ZC3H12A: variants seen among roughly 807,000 people sequenced by gnomAD.
ZC3H12A encodes the protein zinc finger CCCH-type containing 12A.
In ZC3H12A, 9 loss-of-function variants were observed where a neutral mutation model predicts 29.9. The observed-to-expected ratio is 0.30, with a 90% confidence interval of 0.18 to 0.53. The LOEUF (loss-of-function observed/expected upper bound fraction) is 0.53, where lower values mean the gene tolerates loss of function less well. Ranked by LOEUF, ZC3H12A falls within the 20% of genes least tolerant of loss-of-function variation. The pLI, the probability that ZC3H12A is intolerant of heterozygous loss-of-function variation, is 0.96. For missense variants in ZC3H12A, 617 were observed against 799.0 expected (o/e 0.77, Z 2.75); for synonymous variants, 323 against 338.1 (o/e 0.96, Z 0.49).
At chr1:37,482,394 A>T in intron 4 of ZC3H12A, 40 bp from the exon 5 acceptor site, 1 of 1,549,948 alleles carries the variant, frequency 6.5e-7, no homozygotes, top group Non-Finnish European at 8.8e-7. Context: ...AAGTCCCTGC[A>T]TGGCTCCCAC....
chr1:37,481,866 T>G lies in ZC3H12A; in HGVS notation c.818+31T>G, dbSNP rs201071157. The G allele has an allele frequency of 7.5e-6, 12 of 1,595,388 alleles. No homozygotes were observed. In the East Asian group the frequency reaches 2.7e-4, roughly 36 times the overall value. Reference sequence around the variant, plus strand: ...TTCCCTCCCAGAGGCCCTGACAGACTTGGGGTCCACAGGGGAAGCCAGAGG... The same window carrying G: ...TTCCCTCCCAGAGGCCCTGACAGACGTGGGGTCCACAGGGGAAGCCAGAGG... On this transcript the variant is annotated intron_variant, in intron 4 of 5. Coordinates refer to ENST00000373087, the MANE Select transcript of ZC3H12A (RefSeq NM_025079.3).
Position 37,475,096 on chromosome 1 carries a change from C to G in ZC3H12A, c.-38-363C>G, listed in dbSNP as rs1395361784. ...AAGCCTTGGGCCCCGCAACGCACTT[C>G]CAGCCCCAGGATTCCATCTGAGAGC... On this transcript the variant is annotated intron_variant, in intron 1 of 5. Coordinates refer to ENST00000373087, the MANE Select transcript of ZC3H12A (RefSeq NM_025079.3). This position sits in a 1 kb window ranked among gnomAD's most constrained non-coding sequence, Gnocchi z 5.2. Among the ~76,000 whole-genome samples the G allele has an allele frequency of 1.3e-5, 2 of 152,234 alleles. No homozygotes were observed. The highest frequency in any genetic ancestry group is 4.8e-5 in the African/African-American group (2 of 41,466).
rs900071789 is a variant in ZC3H12A, at chr1:37,475,018, G to T, written c.-39+389G>T. ...CCGGCCATGGGCCTTGCGCTGCCTG[G>T]GCCTGAGCTCTGAGTGCCGGACGGG... On this transcript the variant is annotated intron_variant, in intron 1 of 5. Coordinates refer to ENST00000373087, the MANE Select transcript of ZC3H12A (RefSeq NM_025079.3). The surrounding 1 kb of genome is among the most constrained non-coding windows in gnomAD (Gnocchi z 5.2). Among the ~76,000 whole-genome samples the T allele has an allele frequency of 3.3e-5, 5 of 152,226 alleles. No individual in the cohort carries two copies. Among genetic ancestry groups the T allele is most frequent in the African/African-American group, 7.2e-5 (3 of 41,462 alleles).
At chr1:37,481,577 C>T in intron 3 of ZC3H12A, 24 bp from the exon 4 acceptor site, 1 of 1,611,674 alleles carries the variant, frequency 6.2e-7, no homozygotes, top group South Asian at 1.1e-5. Flanking sequence ...GGGCCCTGAC[C>T]TGTGTGCACC....
At chr1:37,482,677 T>C (rs766485899) in intron 5 of ZC3H12A, 60 bp from the exon 6 acceptor site, 1 of 1,611,898 alleles carries the variant, frequency 6.2e-7, no homozygotes, top group Non-Finnish European at 8.5e-7. Context: ...ACCCCTTCCC[T>C]GCTCTCATCC....
At position 37,478,146 on chromosome 1, in the gene ZC3H12A, C is replaced by T. The variant is rs1641627578; in HGVS notation, c.444-2144C>T. Among the ~76,000 whole-genome samples the T allele has an allele frequency of 6.6e-6, 1 of 152,008 alleles. No individual in the cohort carries two copies. The highest frequency in any genetic ancestry group is 2.1e-4 in the South Asian group (1 of 4,820). On this transcript the variant is annotated intron_variant, in intron 2 of 5. Coordinates refer to ENST00000373087, the MANE Select transcript of ZC3H12A (RefSeq NM_025079.3). This position sits in a 1 kb window ranked among gnomAD's most constrained non-coding sequence, Gnocchi z 5.2. ...AGCTGCCATGGTTTTGAGAGGCAGG[C>T]CAGAAGGCCCAAGGAAGGGGGGTGA...
Position 37,475,777 on chromosome 1 carries a change from G to A in ZC3H12A, c.281G>A (p.Arg94Gln), listed in dbSNP as rs377089553. 3.2e-5 allele frequency: 52 copies of A among 1,613,396 alleles called. No individual in the cohort carries two copies. Among genetic ancestry groups the A allele is most frequent in the South Asian group, 5.5e-5 (5 of 91,078 alleles). ...ELVKHGTATERERQTSPDPCP... is the reference protein window; with the variant it reads ...ELVKHGTATEQERQTSPDPCP... Reference sequence around the variant, plus strand: ...GTGAAACACGGGACAGCCACCGAGCGGGAGCGCCAGACCTCACCGGACCCC... The same window carrying A: ...GTGAAACACGGGACAGCCACCGAGCAGGAGCGCCAGACCTCACCGGACCCC... The change falls in exon 2 of 6, where the codon CGG becomes CAG. Residue 94 changes from arginine (R) to glutamine (Q), a missense_variant. Arg to Gln is a conservative substitution (Grantham distance 43). This residue lies in a region of ZC3H12A where 255 missense variants were observed against 402.5 expected (regional missense o/e 0.63). Transcript: ENST00000373087. The surrounding 1 kb of genome is among the most constrained non-coding windows in gnomAD (Gnocchi z 5.2).
In ZC3H12A at chr1:37,481,605, G is replaced by A. The variant is rs1641706894; in HGVS notation, c.588G>A (p.Gln196=). ...TGTGCACCCGTCACCTCCCAGACCA[G>A]CACATCCTGCGGGAACTGGAGAAGA... ...QPRPDVPITD[Q]HILRELEKKK... The change falls in exon 4 of 6, where the codon CAG becomes CAA. Residue 196 remains glutamine (Q), a synonymous_variant. Transcript: ENST00000373087. 1.2e-6 allele frequency: 2 copies of A among 1,614,054 alleles called. No individual in the cohort carries two copies. Among genetic ancestry groups the A allele is most frequent in the Non-Finnish European group, 1.7e-6 (2 of 1,180,046 alleles).
rs1641634986 is a variant in ZC3H12A, at chr1:37,478,509, T to C, written c.444-1781T>C. Among the ~76,000 whole-genome samples, 1 of 152,144 alleles carries C rather than the reference T, an allele frequency of 6.6e-6. No homozygotes were observed. The highest frequency in any genetic ancestry group is 2.1e-4 in the South Asian group (1 of 4,828). ...CTTTCCTTCACGGTAGCAAGCCCTA[T>C]AAGAATGAAGCCATATATCTGGCCA... On this transcript the variant is annotated intron_variant, in intron 2 of 5. Coordinates refer to ENST00000373087, the MANE Select transcript of ZC3H12A (RefSeq NM_025079.3). This position sits in a 1 kb window ranked among gnomAD's most constrained non-coding sequence, Gnocchi z 5.2.
chr1:37,478,648 T>C lies in ZC3H12A; in HGVS notation c.444-1642T>C, dbSNP rs1457541430. Among the ~76,000 whole-genome samples the C allele has an allele frequency of 4.6e-5, 7 of 152,212 alleles. No individual in the cohort carries two copies. The highest frequency in any genetic ancestry group is 1.7e-4 in the African/African-American group (7 of 41,452). On this transcript the variant is annotated intron_variant, in intron 2 of 5. Transcript: ENST00000373087. This position sits in a 1 kb window ranked among gnomAD's most constrained non-coding sequence, Gnocchi z 5.2. ...ACAGGGTAGTGATAAGCATAGGCCC[T>C]GGGCTTGCGTCTCTCTTCCACCGTT...
chr1:37,482,347 C>A, intron 4 of ZC3H12A, 87 bp from the exon 5 acceptor site: 1 of 1,193,722 alleles, frequency 8.4e-7, no homozygotes, highest in Non-Finnish European at 1.2e-6. Context: ...CTATTCTTCC[C>A]AGCAAGGCTT....
chr1:37,475,583 G>A lies in ZC3H12A; in HGVS notation c.87G>A (p.Gln29=), dbSNP rs1346835043. The A allele has an allele frequency of 4.3e-6, 7 of 1,614,012 alleles. No homozygotes were observed. The highest frequency in any genetic ancestry group is 4.2e-6 in the Non-Finnish European group (5 of 1,180,042). The part of the protein sequence containing the change: ...LWEFEDSHSR[Q]GTPRPGQELA... ...AATTTGAGGACAGCCACAGCCGTCA[G>A]GGCACCCCAAGGCCGGGTCAAGAGC... Residue 29 remains glutamine (Q), a synonymous_variant, in exon 2 of 6, where the codon CAG becomes CAA. Transcript: ENST00000373087. This position sits in a 1 kb window ranked among gnomAD's most constrained non-coding sequence, Gnocchi z 5.2.
At position 37,475,776 on chromosome 1, in the gene ZC3H12A, C is replaced by T. The variant is rs777018503; in HGVS notation, c.280C>T (p.Arg94Trp). 5.0e-6 allele frequency: 8 copies of T among 1,613,360 alleles called. No individual in the cohort carries two copies. The highest frequency in any genetic ancestry group is 2.7e-5 in the African/African-American group (2 of 74,918). The change falls in exon 2 of 6, where the codon CGG (arginine) becomes TGG (tryptophan). Residue 94 changes from arginine (R) to tryptophan (W), a missense_variant. Coordinates refer to ENST00000373087, the MANE Select transcript of ZC3H12A (RefSeq NM_025079.3). This position sits in a 1 kb window ranked among gnomAD's most constrained non-coding sequence, Gnocchi z 5.2. ...ELVKHGTATE[R>W]ERQTSPDPCP... ...GGTGAAACACGGGACAGCCACCGAG[C>T]GGGAGCGCCAGACCTCACCGGACCC...
intron 3 of ZC3H12A, among the ~76,000 whole-genome samples, chr1:37,480,879 C>G (rs901913154): frequency 6.6e-6 from 1 of 152,222 alleles, no homozygotes; most frequent in African/African-American, 2.4e-5. Flanking sequence ...ACAGCATTGC[C>G]TTCCTCGTGA....
In ZC3H12A at chr1:37,484,197, G is replaced by T. The variant is rs1037160493; in HGVS notation, c.*586G>T. ...TCCTGCTGCCCCTGTAGGGGTCAAGGGCCCTCCGTCTACACCCTCTTCTTC... is the reference window on the plus strand; with the variant it reads ...TCCTGCTGCCCCTGTAGGGGTCAAGTGCCCTCCGTCTACACCCTCTTCTTC... On this transcript the variant is annotated 3_prime_UTR_variant, in exon 6 of 6. Coordinates refer to ENST00000373087, the MANE Select transcript of ZC3H12A (RefSeq NM_025079.3). 1.3e-5 allele frequency: 2 copies of T among 151,412 alleles called. No individual in the cohort carries two copies. Among genetic ancestry groups the T allele is most frequent in the Non-Finnish European group, 1.5e-5 (1 of 67,854 alleles). 9.4% of individuals were successfully genotyped at this position (151,412 alleles called of 1,614,324 possible).
Position 37,475,374 on chromosome 1 carries a change from A to T in ZC3H12A, c.-38-85A>T. ...ACACGATGCAGTGTGTAGTGCCACC[A>T]ATCCCTCATCCTGCTGGATGTGGTT... On this transcript the variant is annotated intron_variant, in intron 1 of 5. Coordinates refer to ENST00000373087, the MANE Select transcript of ZC3H12A (RefSeq NM_025079.3). This position sits in a 1 kb window ranked among gnomAD's most constrained non-coding sequence, Gnocchi z 5.2. 9.2e-7 allele frequency: 1 copy of T among 1,081,952 alleles called. No homozygotes were observed. Among genetic ancestry groups the T allele is most frequent in the Non-Finnish European group, 1.3e-6 (1 of 752,166 alleles). 67.0% of individuals were successfully genotyped at this position (1,081,952 alleles called of 1,614,324 possible). A position where few individuals can be genotyped will look rare whatever the true frequency, so the allele number is the denominator to read the frequency against.
intron 3 of ZC3H12A, among the ~76,000 whole-genome samples, chr1:37,480,975 T>G (rs958387724): frequency 6.6e-6 from 1 of 152,220 alleles, no homozygotes; most frequent in Non-Finnish European, 1.5e-5. Flanking sequence ...GTTACCACTG[T>G]TCTTGCAAGA....
At position 37,479,333 on chromosome 1, in the gene ZC3H12A, C is replaced by A. The variant is rs993291385; in HGVS notation, c.444-957C>A. The A allele has an allele frequency of 6.1e-6, 6 of 985,304 alleles. No individual in the cohort carries two copies. Among genetic ancestry groups the A allele is most frequent in the Admixed American group, 1.2e-4 (2 of 16,268 alleles). 61.0% of individuals were successfully genotyped at this position (985,304 alleles called of 1,614,324 possible). A position where few individuals can be genotyped will look rare whatever the true frequency, so the allele number is the denominator to read the frequency against. On this transcript the variant is annotated intron_variant, in intron 2 of 5. Transcript: ENST00000373087. This position sits in a 1 kb window ranked among gnomAD's most constrained non-coding sequence, Gnocchi z 4.5. The stretch of plus-strand genomic sequence containing the variant: ...AGGAAAGCTGTCCCACTGACTGACC[C>A]CTCTTAAGGAAGCTGCAGACTGCTG...
Position 37,479,210 on chromosome 1 carries a change from C to T in ZC3H12A, c.444-1080C>T, listed in dbSNP as rs546771850. ...GGTCCTAGGAGCTCTTCCATGACAC[C>T]TAGTGTTACCTGGGAGCCCCAAGCC... On this transcript the variant is annotated intron_variant, in intron 2 of 5. Coordinates refer to ENST00000373087, the MANE Select transcript of ZC3H12A (RefSeq NM_025079.3). The surrounding 1 kb of genome is among the most constrained non-coding windows in gnomAD (Gnocchi z 4.5). 1.0e-6 allele frequency: 1 copy of T among 985,412 alleles called. No homozygotes were observed. Among genetic ancestry groups the T allele is most frequent in the South Asian group, 4.7e-5 (1 of 21,286 alleles). 61.0% of individuals were successfully genotyped at this position (985,412 alleles called of 1,614,324 possible). A position where few individuals can be genotyped will look rare whatever the true frequency, so the allele number is the denominator to read the frequency against.
Sources: allele counts gnomAD v4.1 joint callset (sites outside exome capture counted in the v4.1 genomes callset), GRCh38; gene constraint gnomAD v4.1.1; regional missense constraint gnomAD v4.1.1; non-coding constraint Gnocchi (gnomAD v3.1); transcripts MANE v1.5; gene names NCBI Gene and HGNC (gene_info 2026-07-23, HGNC 2026-07-21).